ERCC6: variants seen among roughly 807,000 people sequenced by gnomAD.
ERCC6 encodes the protein DNA excision repair protein ERCC-6.
A neutral mutation model predicts 158.7 loss-of-function variants in ERCC6; 116 were observed. The ratio of observed to expected loss-of-function variants is 0.73; its 90% CI spans 0.63 to 0.85. The LOEUF (loss-of-function observed/expected upper bound fraction) is 0.85, where lower values mean the gene tolerates loss of function less well. ERCC6 is among the 40% of genes least tolerant of loss of function. ERCC6 has a pLI of 0.00. For missense variants in ERCC6, 1,698 were observed against 1,799.4 expected (o/e 0.94, Z 1.02); for synonymous variants, 678 against 659.3 (o/e 1.03, Z -0.43).
At chr10:49,464,061 TC>T in intron 18 of ERCC6, among the ~76,000 whole-genome samples, 1 of 152,280 alleles carries the variant, frequency 6.6e-6, no homozygotes, top group Non-Finnish European at 1.5e-5. Flanking sequence ...TTTGGAGGGC[TC>T]AGAAGACGAG....
downstream of ERCC6, among the ~76,000 whole-genome samples, chr10:49,453,973 CA>C (rs1481014324): frequency 6.6e-6 from 1 of 152,156 alleles, no homozygotes; most frequent in Non-Finnish European, 1.5e-5. Context: ...GCTGGAAGTT[CA>C]CTAAGCTTCC....
In ERCC6 at chr10:49,523,143, G is replaced by A. The variant is rs117553576; in HGVS notation, c.1397+890C>T. On this transcript the variant is annotated intron_variant, in intron 5 of 20. Transcript: ENST00000355832. ...AATAAGAAAAAACTGTTGAGGATTG[G>A]GAAAAAGCCATCCCACTATCAAGTA... 5.8e-4 allele frequency among the ~76,000 whole-genome samples: 89 copies of A among 152,244 alleles called. 1 individual carries two copies. In the East Asian group the frequency reaches 0.012, roughly 20 times the overall value.
chr10:49,516,486 T>C, intron 5 of ERCC6: 1 of 1,614,182 alleles, frequency 6.2e-7, no homozygotes, highest in Non-Finnish European at 8.5e-7. Flanking sequence ...AACCAGTACA[T>C]TATGCACATC....
the ERCC6 span, among the ~76,000 whole-genome samples, chr10:49,443,849 TC>T: frequency 6.6e-6 from 1 of 152,224 alleles, no homozygotes; most frequent in Non-Finnish European, 1.5e-5. Context: ...GATAAGTCAC[TC>T]TATGAGGCTA....
chr10:49,466,157 A>G (rs1025211953), intron 18 of ERCC6, among the ~76,000 whole-genome samples: 1 of 152,250 alleles, frequency 6.6e-6, no homozygotes, highest in Non-Finnish European at 1.5e-5. Flanking sequence ...GGGTGAGAAA[A>G]AAGAACTAAG....
At chr10:49,484,791 C>T (rs1851048504) in intron 8 of ERCC6, among the ~76,000 whole-genome samples, 1 of 152,132 alleles carries the variant, frequency 6.6e-6, no homozygotes, top group African/African-American at 2.4e-5. Flanking sequence ...AGATTCTAGT[C>T]AGAACAAAAC....
the ERCC6 span, among the ~76,000 whole-genome samples, chr10:49,442,628 C>G: frequency 6.6e-6 from 1 of 152,186 alleles, no homozygotes; most frequent in Non-Finnish European, 1.5e-5. Context: ...AAATCTGAAA[C>G]CCACAATGCA....
rs1198241866 is a variant in ERCC6, at chr10:49,524,421, T to A, written c.1009A>T (p.Lys337Ter). The change falls in exon 5 of 21, where the codon AAG becomes TAG. Residue 337 changes from lysine to a stop codon, truncating the protein, a stop_gained. Transcript: ENST00000355832. LOFTEE classifies it high-confidence loss of function. ...TTCCCCTGGAACTGCAAAGCCCTCT[T>A]CTGGAGTTTCTTGATGTGCTTTTTC... ...RLKKHIKKLQKRALQFQGKVG... is the reference protein window; with the variant it reads ...RLKKHIKKLQ 1 of 1,614,210 alleles carries A rather than the reference T, an allele frequency of 6.2e-7. No individual in the cohort carries two copies. Among genetic ancestry groups the A allele is most frequent in the Non-Finnish European group, 8.5e-7 (1 of 1,180,030 alleles).
intron 18 of ERCC6, among the ~76,000 whole-genome samples, chr10:49,463,323 C>T (rs908554737): frequency 6.6e-5 from 10 of 152,170 alleles, no homozygotes; most frequent in African/African-American, 2.4e-4. Context: ...GTGGAATTTT[C>T]CACATCTGGC....
chr10:49,532,540 C>A lies in ERCC6; in HGVS notation c.422+3G>T, dbSNP rs768156907. ...TGAAAGGAAGAAGATGGGCTGCACT[C>A]ACGTGAGGTCATCCAGGACCGACCG... On this transcript the variant is annotated splice_donor_region_variant and intron_variant, in intron 2 of 20. Coordinates refer to ENST00000355832, the MANE Select transcript of ERCC6 (RefSeq NM_000124.4). 6 of 1,613,624 alleles carry A rather than the reference C, an allele frequency of 3.7e-6. No homozygotes were observed. Among genetic ancestry groups the A allele is most frequent in the Non-Finnish European group, 5.1e-6 (6 of 1,180,034 alleles).
rs55710235 is a variant in ERCC6, at chr10:49,474,308, G to A, written c.2383-66C>T. ...TGTAAAGTAAGATTCCCTAGGCAAG[G>A]AGGCTGTTTAACCTATAACACAGAC... On this transcript the variant is annotated intron_variant, in intron 12 of 20. Coordinates refer to ENST00000355832, the MANE Select transcript of ERCC6 (RefSeq NM_000124.4). 14 of 1,317,948 alleles carry A rather than the reference G, an allele frequency of 1.1e-5. No individual in the cohort carries two copies. The East Asian group carries it at 3.0e-4, about 28-fold the overall frequency. The allele number at this position is 1,317,948 out of a possible 1,614,324, so 81.6% of individuals were successfully genotyped here. A position where few individuals can be genotyped will look rare whatever the true frequency, so the allele number is the denominator to read the frequency against.
chr10:49,462,196 A>G (rs1279805336), intron 18 of ERCC6, among the ~76,000 whole-genome samples: 1 of 152,226 alleles, frequency 6.6e-6, no homozygotes, highest in African/African-American at 2.4e-5. Context: ...GAGATTGACC[A>G]GAAAATAGAA....
intron 11 of ERCC6, among the ~76,000 whole-genome samples, chr10:49,477,210 C>A (rs1485997016): frequency 2.0e-5 from 3 of 152,178 alleles, no homozygotes; most frequent in African/African-American, 7.2e-5. Flanking sequence ...CAAACCTGAA[C>A]CTACCAGGAT....
Position 49,524,245 on chromosome 10 carries a change from C to G in ERCC6, c.1185G>C (p.Leu395=). The part of the protein sequence containing the change: ...DDEVEGAEAD[L]SGDGTDYELK... ...GCTCATAGTCAGTACCATCTCCAGA[C>G]AGGTCCGCCTCTGCCCCCTCCACCT... Residue 395 remains leucine, a synonymous_variant, in exon 5 of 21, where the codon CTG becomes CTC. Transcript: ENST00000355832. 6.2e-7 allele frequency: 1 copy of G among 1,614,136 alleles called. No individual in the cohort carries two copies.
rs1165513617 is a variant in ERCC6, at chr10:49,456,219, G to A, written c.*2596C>T. On this transcript the variant is annotated 3_prime_UTR_variant, in exon 21 of 21. Transcript: ENST00000355832. ...AAGGAGAGCAGTTCAAGACTGGCAG[G>A]CCAACTTCTCCTTCCTCAACACATC... 1.3e-5 allele frequency: 2 copies of A among 152,160 alleles called. No homozygotes were observed. The highest frequency in any genetic ancestry group is 4.8e-5 in the African/African-American group (2 of 41,424). The allele number at this position is 152,160 out of a possible 1,614,324, so 9.4% of individuals were successfully genotyped here. A position where few individuals can be genotyped will look rare whatever the true frequency, so the allele number is the denominator to read the frequency against.
intron 5 of ERCC6, among the ~76,000 whole-genome samples, chr10:49,513,628 C>T (rs1191872295): frequency 6.6e-6 from 1 of 152,058 alleles, no homozygotes; most frequent in Non-Finnish European, 1.5e-5. Flanking sequence ...CTTCACAAGG[C>T]GGCAGGAGGA....
chr10:49,496,314 G>A (rs930883162), intron 7 of ERCC6, among the ~76,000 whole-genome samples: 13 of 152,202 alleles, frequency 8.5e-5, no homozygotes, highest in Non-Finnish European at 7.3e-5. Flanking sequence ...TGTGAGAGCA[G>A]AGATAATCTC....
At position 49,457,710 on chromosome 10, in the gene ERCC6, T is replaced by C. The variant is rs1389381778; in HGVS notation, c.*1105A>G. 2.6e-5 allele frequency: 4 copies of C among 152,054 alleles called. No homozygotes were observed. Among genetic ancestry groups the C allele is most frequent in the African/African-American group, 4.8e-5 (2 of 41,356 alleles). The allele number at this position is 152,054 out of a possible 1,614,324, so 9.4% of individuals were successfully genotyped here. A position where few individuals can be genotyped will look rare whatever the true frequency, so the allele number is the denominator to read the frequency against. ...GAAGAAATTTCAGGAATACGATGAATTTCGGAAAACAACACTTCAAAGATG... is the reference window on the plus strand; with the variant it reads ...GAAGAAATTTCAGGAATACGATGAACTTCGGAAAACAACACTTCAAAGATG... On this transcript the variant is annotated 3_prime_UTR_variant, in exon 21 of 21. Transcript: ENST00000355832.
intron 5 of ERCC6, among the ~76,000 whole-genome samples, chr10:49,509,640 G>A (rs1851501921): frequency 6.6e-6 from 1 of 152,142 alleles, no homozygotes; most frequent in Non-Finnish European, 1.5e-5. Context: ...AATAGATACA[G>A]ATTGACTTAA....
Sources: allele counts gnomAD v4.1 joint callset (sites outside exome capture counted in the v4.1 genomes callset), GRCh38; gene constraint gnomAD v4.1.1; transcripts MANE v1.5; gene names NCBI Gene and HGNC (gene_info 2026-07-23, HGNC 2026-07-21).